A2ML1: variants seen among roughly 807,000 people sequenced by gnomAD.
The protein encoded by A2ML1 is alpha-2-macroglobulin-like protein 1.
A neutral mutation model predicts 181.9 loss-of-function variants in A2ML1; 161 were observed. The ratio of observed to expected loss-of-function variants is 0.89; its 90% confidence interval spans 0.78 to 1.01. A2ML1 has a LOEUF of 1.01. Among genes scored for constraint, A2ML1 ranks in the 50% least tolerant of loss-of-function variants. The probability of loss-of-function intolerance (pLI) is 0.00; values close to 1 mark genes in which losing one functional copy is unlikely to be tolerated. For missense variants in A2ML1, 1,670 were observed against 1,768.1 expected, an observed-to-expected ratio of 0.94 and a Z score of 1.00; for synonymous variants, 663 against 666.8, an observed-to-expected ratio of 0.99 and a Z score of 0.09.
intron 10 of A2ML1, among the ~76,000 whole-genome samples, chr12:8,840,716 T>C (rs941155745): frequency 5.3e-5 from 8 of 151,988 alleles, no homozygotes; most frequent in African/African-American, 1.9e-4. Flanking sequence ...GAAACCAGCC[T>C]GACCAACATG....
chr12:8,860,247 T>C (rs932144782), intron 26 of A2ML1, among the ~76,000 whole-genome samples: 2 of 152,080 alleles, frequency 1.3e-5, no homozygotes, highest in African/African-American at 4.8e-5. Context: ...TTTTACCGTG[T>C]TGCCCAGGCT....
rs914799443 is a variant in A2ML1 at position 8,822,751 on chromosome 12, C to T, written c.62+38C>T. On this transcript the variant is annotated intron_variant, in intron 1 of 35. Transcript: ENST00000299698. ...TGTCAGAATTGGTTTATTAGGGCAG[C>T]GGCTTCTTCGCCTAACTTTCTCAAA... 6 of 1,594,096 alleles carry T rather than the reference C, an allele frequency of 3.8e-6. No individual in the cohort carries two copies. The African/African-American group carries it at 6.7e-5, about 18-fold the overall frequency.
chr12:8,887,368 C>G (rs1039225149), downstream of A2ML1, among the ~76,000 whole-genome samples: 1 of 152,156 alleles, frequency 6.6e-6, no homozygotes, highest in Non-Finnish European at 1.5e-5. Flanking sequence ...ATCTCTCCCC[C>G]ACATATTTTG....
At chr12:8,837,711 C>A in intron 8 of A2ML1, 145 bp downstream of exon 8, 1 of 897,474 alleles carries the variant, frequency 1.1e-6, no homozygotes, top group Non-Finnish European at 1.5e-6. Flanking sequence ...GAAACCCCGT[C>A]TCTATTAAAA....
In A2ML1 at chr12:8,874,538, T is replaced by A. The variant is rs1193013317; in HGVS notation, c.4324+11T>A. 1 of 1,587,710 alleles carries A rather than the reference T, an allele frequency of 6.3e-7. No homozygotes were observed. The highest frequency in any genetic ancestry group is 8.6e-7 in the Non-Finnish European group (1 of 1,156,330). On this transcript the variant is annotated intron_variant, in intron 34 of 35. Transcript: ENST00000299698. ...ACTACTACCTACCAGGTGAGAGGGC[T>A]GAGCTGAAATGAGATCTGAGATCTT...
chr12:8,823,997 G>A, intron 3 of A2ML1, 115 bp downstream of exon 3: 2 of 1,244,242 alleles, frequency 1.6e-6, no homozygotes, highest in African/African-American at 3.0e-5. Context: ...GTGCAGAGGA[G>A]AGGAAAATCT....
At chr12:8,851,468 C>T (rs893304524) in intron 18 of A2ML1, among the ~76,000 whole-genome samples, 1 of 151,788 alleles carries the variant, frequency 6.6e-6, no homozygotes, top group East Asian at 1.9e-4. Context: ...TGCAGTGGTG[C>T]AATCATAGCT....
chr12:8,837,547 G>T lies in A2ML1; in HGVS notation c.836G>T (p.Cys279Phe). The T allele has an allele frequency of 6.2e-7, 1 of 1,613,522 alleles. No homozygotes were observed. Among genetic ancestry groups the T allele is most frequent in the South Asian group, 1.1e-5 (1 of 91,070 alleles). ...EVEREQLPDK[C>F]RNLSGQTDKT... ...GAACGGGAACAGCTTCCTGACAAAT[G>T]CAGGAACCTCTCTGGACAGGTGAGT... Residue 279 changes from cysteine to phenylalanine, a missense_variant, in exon 8 of 36, where the codon TGC becomes TTC. Physicochemically the swap from Cys to Phe is radical, Grantham distance 205. Coordinates refer to ENST00000299698, the MANE Select transcript of A2ML1 (RefSeq NM_144670.6).
chr12:8,850,273 G>T lies in A2ML1; in HGVS notation c.2233G>T (p.Gly745Cys). Reference protein sequence around the residue: ...ETWLWDLFPIGNSGKEAVHVT... With the variant: ...ETWLWDLFPICNSGKEAVHVT... ...CTGGCTCTGGGATCTGTTTCCTATT[G>T]GGTAAGTGATGACTCAAAAGTACAG... The change falls in exon 18 of 36, where the codon GGT becomes TGT. Residue 745 changes from glycine (G) to cysteine (C), a missense_variant and splice_region_variant. Gly to Cys is a radical substitution (Grantham distance 159). Transcript: ENST00000299698. The T allele has an allele frequency of 6.2e-7, 1 of 1,607,448 alleles. No individual in the cohort carries two copies.
chr12:8,840,960 AAGGAAAGAAGGAAGGAAAGAAG>A (rs1475712910), intron 10 of A2ML1, among the ~76,000 whole-genome samples: 1 of 147,700 alleles, frequency 6.8e-6, no homozygotes, highest in Non-Finnish European at 1.5e-5. Flanking sequence ...GGAAGGAAGG[AAGGAAAGAAGGAAGGAAAGAAG>A]GAAGGAAGGA....
chr12:8,881,783 G>A (rs370647120), downstream of A2ML1, among the ~76,000 whole-genome samples: 80 of 152,086 alleles, frequency 5.3e-4, no homozygotes, highest in South Asian at 3.5e-3. Context: ...AGGCCGAGGC[G>A]GGTGGATCAC....
At chr12:8,869,288 C>T in intron 33 of A2ML1, 85 bp downstream of exon 33, 2 of 1,375,966 alleles carry the variant, frequency 1.5e-6, no homozygotes, top group Non-Finnish European at 2.1e-6. Flanking sequence ...ACGGGTGTCA[C>T]ACACATGGGG....
Position 8,846,297 on chromosome 12 carries a change from A to G in A2ML1, c.1683+75A>G, listed in dbSNP as rs973446010. ...GATCTTGTGTGTGCTGCGGTTGGAA[A>G]CAAGACAAGTCAGGGAAAGAAGATA... On this transcript the variant is annotated intron_variant, in intron 14 of 35. Coordinates refer to ENST00000299698, the MANE Select transcript of A2ML1 (RefSeq NM_144670.6). 20 of 1,547,658 alleles carry G rather than the reference A, an allele frequency of 1.3e-5. No homozygotes were observed. In the African/African-American group the frequency reaches 2.6e-4, roughly 20 times the overall value.
chr12:8,880,859 A>G (rs1352931860), downstream of A2ML1, among the ~76,000 whole-genome samples: 2 of 152,218 alleles, frequency 1.3e-5, no homozygotes, highest in African/African-American at 4.8e-5. Context: ...TCATACATGG[A>G]TCTTATGGGA....
chr12:8,878,832 G>A (rs951770095), downstream of A2ML1, among the ~76,000 whole-genome samples: 17 of 152,134 alleles, frequency 1.1e-4, no homozygotes, highest in African/African-American at 2.7e-4. The surrounding 1 kb of genome is among the most constrained non-coding windows in gnomAD (Gnocchi z 4.4). Context: ...GCATGGTGGC[G>A]TGTTCCTGTA....
intron 7 of A2ML1, 49 bp downstream of exon 7, chr12:8,836,388 G>T: frequency 6.6e-7 from 1 of 1,511,718 alleles, no homozygotes; most frequent in Non-Finnish European, 9.2e-7. Flanking sequence ...TGCATCGAGA[G>T]ACATGATGAG....
intron 33 of A2ML1, among the ~76,000 whole-genome samples, chr12:8,870,509 C>T (rs986951295): frequency 1.3e-5 from 2 of 152,192 alleles, no homozygotes; most frequent in Non-Finnish European, 2.9e-5. Flanking sequence ...CCTCGTGATC[C>T]ACCCACCTCG....
At position 8,843,312 on chromosome 12, in the gene A2ML1, T is replaced by C. The variant is rs934024389; in HGVS notation, c.1427T>C (p.Ile476Thr). The C allele has an allele frequency of 1.9e-6, 3 of 1,613,852 alleles. No homozygotes were observed. The highest frequency in any genetic ancestry group is 1.1e-5 in the South Asian group (1 of 91,088). ...QPQEVLVDYYIDPADASPDQE... is the reference protein window; with the variant it reads ...QPQEVLVDYYTDPADASPDQE... Reference sequence around the variant, plus strand: ...CAGGAAGTGCTGGTGGATTATTACATCGACCCGGCCGATGCAAGCCCTGAC... The same window carrying C: ...CAGGAAGTGCTGGTGGATTATTACACCGACCCGGCCGATGCAAGCCCTGAC... Residue 476 changes from isoleucine (I) to threonine (T), a missense_variant, in exon 12 of 36, where the codon ATC (isoleucine) becomes ACC (threonine). Ile to Thr is a moderately conservative substitution (Grantham distance 89). Coordinates refer to ENST00000299698, the MANE Select transcript of A2ML1 (RefSeq NM_144670.6).
At chr12:8,886,010 TCACA>T (rs35294269) in intron 7 of A2ML1, among the ~76,000 whole-genome samples, 2,265 of 144,990 alleles carry the variant, frequency 0.016, 16 homozygotes, top group Non-Finnish European at 0.019. Flanking sequence ...CAACAATATC[TCACA>T]CACACACACA....
Sources: gnomAD v4.1 joint callset for allele counts (sites outside exome capture counted in the v4.1 genomes callset) on GRCh38, gnomAD v4.1.1 for gene constraint, Gnocchi (gnomAD v3.1) non-coding constraint, MANE v1.5 for transcripts, NCBI Gene and HGNC (gene_info 2026-07-23, HGNC 2026-07-21) for gene names.